Variants in BMP6 observed in about 807,000 individuals in gnomAD.
BMP6 encodes the protein bone morphogenetic protein 6.
In BMP6, 17 loss-of-function variants were observed where a neutral mutation model predicts 54.1. The ratio of observed to expected loss-of-function variants is 0.31; its 90% CI spans 0.22 to 0.47. The LOEUF (loss-of-function observed/expected upper bound fraction) is 0.47. BMP6 is among the 20% of genes least tolerant of loss of function. The pLI is 1.00. For missense variants in BMP6, 720 were observed against 690.4 expected, an observed-to-expected ratio of 1.04 and a Z score of -0.48; for synonymous variants, 328 against 291.2, an observed-to-expected ratio of 1.13 and a Z score of -1.28.
In BMP6 at chr6:7,733,595, T is replaced by G. The variant is rs1009411878; in HGVS notation, c.664+5976T>G. 2.6e-5 allele frequency among the ~76,000 whole-genome samples: 4 copies of G among 152,190 alleles called. No individual in the cohort carries two copies. The East Asian group carries it at 5.8e-4, about 22-fold the overall frequency. On this transcript the variant is annotated intron_variant, in intron 1 of 6. Coordinates refer to ENST00000283147, the MANE Select transcript of BMP6 (RefSeq NM_001718.6). Reference sequence around the variant, plus strand: ...CAGGGTGTCACCTGGGGGGCAGATATAGGGCATAGCTGGCATCTTCTCTTG... The same window carrying G: ...CAGGGTGTCACCTGGGGGGCAGATAGAGGGCATAGCTGGCATCTTCTCTTG...
At chr6:7,823,451 C>T (rs1409495725) in intron 1 of BMP6, among the ~76,000 whole-genome samples, 3 of 152,174 alleles carry the variant, frequency 2.0e-5, no homozygotes, top group African/African-American at 7.2e-5. Flanking sequence ...AGGCACCACA[C>T]GAACTTCTTG....
chr6:7,836,221 G>A (rs1054971975), intron 1 of BMP6, among the ~76,000 whole-genome samples: 15 of 151,722 alleles, frequency 9.9e-5, no homozygotes, highest in African/African-American at 3.6e-4. Context: ...AAAAAAAAAT[G>A]ACTATTAACC....
intron 1 of BMP6, 49 bp downstream of exon 1, chr6:7,727,668 T>G: frequency 6.9e-7 from 1 of 1,459,208 alleles, no homozygotes; most frequent in Non-Finnish European, 9.0e-7. Flanking sequence ...CCCTTTTCAG[T>G]GTCCCGGGCC....
At chr6:7,780,713 T>TTATTAA (rs979482065) in intron 1 of BMP6, among the ~76,000 whole-genome samples, 1 of 151,914 alleles carries the variant, frequency 6.6e-6, no homozygotes, top group Admixed American at 6.6e-5. Flanking sequence ...TTTATTGTTA[T>TTATTAA]TATTATCATT....
At chr6:7,871,068 A>G (rs1305321635) in intron 4 of BMP6, among the ~76,000 whole-genome samples, 3 of 132,160 alleles carry the variant, frequency 2.3e-5, no homozygotes, top group Non-Finnish European at 3.3e-5. Flanking sequence ...TTTTCCTACA[A>G]ATAGTTTTGT....
At chr6:7,745,503 T>C (rs1757333178) in intron 1 of BMP6, among the ~76,000 whole-genome samples, 1 of 152,220 alleles carries the variant, frequency 6.6e-6, no homozygotes, top group South Asian at 2.1e-4. Flanking sequence ...ATTCCTGGCC[T>C]CAAGGGATCC....
intron 2 of BMP6, among the ~76,000 whole-genome samples, chr6:7,846,109 A>G (rs1013701385): frequency 6.6e-5 from 10 of 152,220 alleles, no homozygotes; most frequent in African/African-American, 2.2e-4. Context: ...ATAGTAGAAT[A>G]GTGTTACCGT....
At chr6:7,741,817 G>A (rs904346574) in intron 1 of BMP6, among the ~76,000 whole-genome samples, 1 of 152,228 alleles carries the variant, frequency 6.6e-6, no homozygotes, top group African/African-American at 2.4e-5. Flanking sequence ...TGAAGTTCCA[G>A]CGTTGGCTCT....
At position 7,852,401 on chromosome 6, in the gene BMP6, T is replaced by C. The variant is rs994022807; in HGVS notation, c.857+7069T>C. Reference sequence around the variant, plus strand: ...TGGCCTGGGAAACATAAAGAGACCCTGTCTCTACAAAAATAAAAATTAAAA... The same window carrying C: ...TGGCCTGGGAAACATAAAGAGACCCCGTCTCTACAAAAATAAAAATTAAAA... On this transcript the variant is annotated intron_variant, in intron 2 of 6. Transcript: ENST00000283147. Among the ~76,000 whole-genome samples the C allele has an allele frequency of 2.0e-4, 30 of 152,110 alleles. 1 individual carries two copies. Among genetic ancestry groups the C allele is most frequent in the Admixed American group, 1.7e-3 (26 of 15,268 alleles).
chr6:7,804,400 C>T (rs1758316005), intron 1 of BMP6, among the ~76,000 whole-genome samples: 1 of 151,768 alleles, frequency 6.6e-6, no homozygotes, highest in Non-Finnish European at 1.5e-5. Flanking sequence ...TCTTTCTTTC[C>T]TTTGCTTTTT....
At chr6:7,843,305 G>A (rs1435239144) in intron 1 of BMP6, among the ~76,000 whole-genome samples, 4 of 151,478 alleles carry the variant, frequency 2.6e-5, no homozygotes, top group Non-Finnish European at 5.9e-5. Flanking sequence ...AAAATGTGTT[G>A]TGTAATTACA....
At chr6:7,875,663 A>G (rs2113294332) in intron 4 of BMP6, among the ~76,000 whole-genome samples, 1 of 152,248 alleles carries the variant, frequency 6.6e-6, no homozygotes, top group Non-Finnish European at 1.5e-5. Context: ...GCAAAACCCC[A>G]TTGCAGAAAA....
In BMP6 at chr6:7,817,586, T is replaced by A. The variant is rs981378483; in HGVS notation, c.665-27554T>A. Among the ~76,000 whole-genome samples, 131 of 28,532 alleles carry A rather than the reference T, an allele frequency of 4.6e-3. 1 individual carries two copies. Among genetic ancestry groups the A allele is most frequent in the East Asian group, 0.028 (19 of 690 alleles). The allele number at this position is 28,532 out of a possible 152,430, so 18.7% of individuals were successfully genotyped here. A position where few individuals can be genotyped will look rare whatever the true frequency, so the allele number is the denominator to read the frequency against. Reference sequence around the variant, plus strand: ...CGGGGGCCTGTCGTGGCGTGGGGGGTGGGGGGAGGGATAGCATTAGGAGAT... The same window carrying A: ...CGGGGGCCTGTCGTGGCGTGGGGGGAGGGGGGAGGGATAGCATTAGGAGAT... On this transcript the variant is annotated intron_variant, in intron 1 of 6. Transcript: ENST00000283147.
chr6:7,857,771 G>A (rs1229613903), intron 2 of BMP6, among the ~76,000 whole-genome samples: 1 of 152,212 alleles, frequency 6.6e-6, no homozygotes, highest in Non-Finnish European at 1.5e-5. Flanking sequence ...GACCAGAACC[G>A]TTTTAGTGAT....
At position 7,726,898 on chromosome 6, in the gene BMP6, C is replaced by T. The variant is rs1761735060; in HGVS notation, c.-58C>T. The T allele has an allele frequency of 2.8e-6, 3 of 1,077,366 alleles. No individual in the cohort carries two copies. The highest frequency in any genetic ancestry group is 1.7e-5 in the African/African-American group (1 of 59,188). 66.7% of individuals were successfully genotyped at this position (1,077,366 alleles called of 1,614,324 possible). Reference sequence around the variant, plus strand: ...AAGGGCCACAGCGGCCGCGCTCCGGCCTCGCTCCGCCGCTCCACGCCTCGC... The same window carrying T: ...AAGGGCCACAGCGGCCGCGCTCCGGTCTCGCTCCGCCGCTCCACGCCTCGC... On this transcript the variant is annotated 5_prime_UTR_variant, in exon 1 of 7. Transcript: ENST00000283147.
chr6:7,790,946 C>G (rs1162213473), intron 1 of BMP6, among the ~76,000 whole-genome samples: 1 of 152,186 alleles, frequency 6.6e-6, no homozygotes, highest in Non-Finnish European at 1.5e-5. Flanking sequence ...TTTCTGTAGG[C>G]TCCTTCCCAT....
intron 1 of BMP6, among the ~76,000 whole-genome samples, chr6:7,728,555 T>C (rs1422206535): frequency 6.6e-6 from 1 of 152,116 alleles, no homozygotes; most frequent in East Asian, 1.9e-4. Flanking sequence ...ATGAGAAGGG[T>C]GCAGAGAAGA....
intron 1 of BMP6, among the ~76,000 whole-genome samples, chr6:7,801,047 T>C (rs1225392665): frequency 6.6e-6 from 1 of 152,140 alleles, no homozygotes; most frequent in Non-Finnish European, 1.5e-5. Context: ...GCCACTTAAT[T>C]TGGAGGAAGA....
intron 2 of BMP6, among the ~76,000 whole-genome samples, chr6:7,846,343 G>C (rs758129205): frequency 1.6e-4 from 25 of 152,150 alleles, no homozygotes; most frequent in Non-Finnish European, 3.1e-4. Flanking sequence ...ATTTCCAAAG[G>C]CTTAAGAATG....
Sources: allele counts gnomAD v4.1 joint callset (sites outside exome capture counted in the v4.1 genomes callset), GRCh38; gene constraint gnomAD v4.1.1; transcripts MANE v1.5; gene names NCBI Gene and HGNC (gene_info 2026-07-23, HGNC 2026-07-21).